TLE1: variants seen among roughly 807,000 people sequenced by gnomAD.
TLE1 encodes the protein transducin-like enhancer protein 1.
Under a neutral mutation model 89.8 loss-of-function variants are expected in TLE1, and 21 were observed. That is an observed-to-expected ratio of 0.23 (90% CI 0.17 to 0.34). The LOEUF (loss-of-function observed/expected upper bound fraction) is 0.34. Ranked by LOEUF, TLE1 falls within the 10% of genes least tolerant of loss-of-function variation. TLE1 has a pLI of 1.00. For synonymous variants in TLE1, 447 were observed against 407.6 expected (o/e 1.10, Z -1.16); for missense variants, 795 against 1,031.2 (o/e 0.77, Z 3.14).
At chr9:81,603,373 G>A (rs1475592943) in intron 14 of TLE1, among the ~76,000 whole-genome samples, 3 of 151,962 alleles carry the variant, frequency 2.0e-5, no homozygotes, top group African/African-American at 7.3e-5. Context: ...ATGCCCTTTC[G>A]GTATATTGGT....
chr9:81,644,022 A>G (rs1378825112), intron 6 of TLE1, among the ~76,000 whole-genome samples: 1 of 152,226 alleles, frequency 6.6e-6, no homozygotes, highest in African/African-American at 2.4e-5. Flanking sequence ...GCCATCAGGA[A>G]AATGCAAATC....
chr9:81,662,631 G>A (rs1258634530), intron 4 of TLE1, among the ~76,000 whole-genome samples: 1 of 151,542 alleles, frequency 6.6e-6, no homozygotes, highest in East Asian at 2.0e-4. Context: ...CCATGAGGCA[G>A]AGGTTGCAGT....
chr9:81,624,097 T>A (rs1825627475), intron 8 of TLE1, among the ~76,000 whole-genome samples: 1 of 152,142 alleles, frequency 6.6e-6, no homozygotes, highest in Admixed American at 6.5e-5. Context: ...ACCCAAAAAC[T>A]TACTTAAAAT....
At chr9:81,675,473 C>G (rs1222578653) in intron 4 of TLE1, among the ~76,000 whole-genome samples, 2 of 151,854 alleles carry the variant, frequency 1.3e-5, no homozygotes, top group East Asian at 3.9e-4. Flanking sequence ...TGCACATGCT[C>G]AATTCACACC....
chr9:81,660,180 C>A (rs2796450), intron 4 of TLE1, among the ~76,000 whole-genome samples: 1 of 151,916 alleles, frequency 6.6e-6, no homozygotes, highest in African/African-American at 2.4e-5. Context: ...ATTTCTTTGC[C>A]GTACCTCCCC....
intron 4 of TLE1, among the ~76,000 whole-genome samples, chr9:81,677,591 A>C (rs1833064261): frequency 1.3e-5 from 2 of 150,490 alleles, no homozygotes; most frequent in South Asian, 4.3e-4. Flanking sequence ...AAAAGTAAAC[A>C]ACTCAGGTAA....
intron 4 of TLE1, among the ~76,000 whole-genome samples, chr9:81,656,433 T>C (rs181912731): frequency 6.6e-6 from 1 of 152,314 alleles, no homozygotes; most frequent in East Asian, 1.9e-4. Flanking sequence ...ATTGAAGGTT[T>C]CCAGTTTTAA....
chr9:81,633,197 A>G, intron 8 of TLE1, 151 bp downstream of exon 8: 1 of 1,354,042 alleles, frequency 7.4e-7, no homozygotes, highest in Non-Finnish European at 9.7e-7. Context: ...AAGGAAAAAA[A>G]GTAAAAGAAA....
Position 81,601,872 on chromosome 9 carries a change from C to T in TLE1, c.1331+8348G>A, listed in dbSNP as rs145271989. Among the ~76,000 whole-genome samples the T allele has an allele frequency of 2.5e-3, 383 of 152,224 alleles. 2 individuals carry two copies. The highest frequency in any genetic ancestry group is 4.5e-3 in the Non-Finnish European group (306 of 68,024). On this transcript the variant is annotated intron_variant, in intron 14 of 19. Coordinates refer to ENST00000376499, the MANE Select transcript of TLE1 (RefSeq NM_005077.5). Reference sequence around the variant, plus strand: ...TCTTACACAATCCTGGACCTGTCTCCCACCTATTCAAGGCAACGAACATTT... The same window carrying T: ...TCTTACACAATCCTGGACCTGTCTCTCACCTATTCAAGGCAACGAACATTT...
intron 6 of TLE1, among the ~76,000 whole-genome samples, chr9:81,639,392 G>A (rs1827805458): frequency 6.6e-6 from 1 of 152,016 alleles, no homozygotes; most frequent in Admixed American, 6.6e-5. Context: ...ACCAAAACCT[G>A]CCCGTCATTT....
chr9:81,672,420 G>GCCT (rs1340821762), intron 4 of TLE1, among the ~76,000 whole-genome samples: 1 of 150,322 alleles, frequency 6.7e-6, no homozygotes, highest in Admixed American at 6.7e-5. Context: ...TGCAACCTCC[G>GCCT]CCTCCCAGGT....
At chr9:81,680,217 T>A (rs967983516) in intron 4 of TLE1, among the ~76,000 whole-genome samples, 2 of 152,018 alleles carry the variant, frequency 1.3e-5, no homozygotes, top group South Asian at 4.1e-4. Flanking sequence ...ACTTGCCCAG[T>A]CCCGAATGGA....
In TLE1 at chr9:81,689,525, G is replaced by T. The variant is rs1031528725; in HGVS notation, c.-1285C>A. 1.3e-5 allele frequency among the ~76,000 whole-genome samples: 2 copies of T among 152,100 alleles called. No homozygotes were observed. Among genetic ancestry groups the T allele is most frequent in the African/African-American group, 4.8e-5 (2 of 41,438 alleles). On this transcript the variant is annotated 5_prime_UTR_variant, in exon 1 of 20. Coordinates refer to ENST00000376499, the MANE Select transcript of TLE1 (RefSeq NM_005077.5). The stretch of plus-strand genomic sequence containing the variant: ...GCCGCTCCCACCGCCGCCGCCGCCC[G>T]CGCCTCTCGCGCCGCTTACATTAAC...
intron 4 of TLE1, among the ~76,000 whole-genome samples, chr9:81,671,726 T>G (rs1432764150): frequency 6.6e-6 from 1 of 152,168 alleles, no homozygotes; most frequent in African/African-American, 2.4e-5. Context: ...CTCCTTATAC[T>G]TCCATTTAAT....
chr9:81,687,257 G>T (rs1834412108), intron 2 of TLE1, 77 bp downstream of exon 2: 1 of 1,256,580 alleles, frequency 8.0e-7, no homozygotes. Flanking sequence ...CTAAGTACAG[G>T]CGCCGCCGCC....
intron 6 of TLE1, among the ~76,000 whole-genome samples, chr9:81,651,040 G>GT: frequency 1.3e-5 from 2 of 152,270 alleles, no homozygotes; most frequent in South Asian, 4.2e-4. Flanking sequence ...CAGTTGGGAT[G>GT]TAATTTTAAG....
intron 8 of TLE1, among the ~76,000 whole-genome samples, chr9:81,626,690 G>C (rs1255644414): frequency 6.6e-6 from 1 of 152,102 alleles, no homozygotes; most frequent in Admixed American, 6.6e-5. Context: ...GTAGAATCCA[G>C]GTGGGTGACT....
In TLE1 at chr9:81,688,480, A is replaced by C. The variant is rs565491662; in HGVS notation, c.-240T>G. The C allele has an allele frequency of 3.8e-5, 16 of 417,582 alleles. No individual in the cohort carries two copies. Among genetic ancestry groups the C allele is most frequent in the African/African-American group, 2.9e-4 (14 of 47,686 alleles). 25.9% of individuals were successfully genotyped at this position (417,582 alleles called of 1,614,324 possible). A position where few individuals can be genotyped will look rare whatever the true frequency, so the allele number is the denominator to read the frequency against. ...CCACATTAGTGGGCGCCCCAGGCCC[A>C]GCTGCTTCAAGAACCTGCGCGGAGA... On this transcript the variant is annotated 5_prime_UTR_variant, in exon 1 of 20. Coordinates refer to ENST00000376499, the MANE Select transcript of TLE1 (RefSeq NM_005077.5).
intron 8 of TLE1, among the ~76,000 whole-genome samples, chr9:81,629,683 C>A (rs1826331894): frequency 6.6e-6 from 1 of 152,172 alleles, no homozygotes; most frequent in Non-Finnish European, 1.5e-5. Flanking sequence ...TACTACACAC[C>A]TAGGCTACTG....
Sources: gnomAD v4.1 joint callset for allele counts (sites outside exome capture counted in the v4.1 genomes callset) on GRCh38, gnomAD v4.1.1 for gene constraint, MANE v1.5 for transcripts, NCBI Gene and HGNC (gene_info 2026-07-23, HGNC 2026-07-21) for gene names.